Variants in MALRD1 observed in about 807,000 individuals in gnomAD.
MALRD1 encodes the protein MAM and LDL-receptor class A domain-containing protein 1.
A neutral mutation model predicts 242.1 loss-of-function variants in MALRD1; 247 were observed. The observed-to-expected ratio is 1.02, with a 90% CI of 0.92 to 1.13. The LOEUF (loss-of-function observed/expected upper bound fraction) is 1.13. Among genes scored for constraint, MALRD1 ranks in the 50% most tolerant of loss-of-function variants. The probability of loss-of-function intolerance (pLI) is 0.00; values close to 1 mark genes in which losing one functional copy is unlikely to be tolerated. For missense variants in MALRD1, 2,989 were observed against 2,533.1 expected, an observed-to-expected ratio of 1.18 and a Z score of -3.86; for synonymous variants, 995 against 866.6, an observed-to-expected ratio of 1.15 and a Z score of -2.60.
chr10:19,687,115 A>G lies in MALRD1; in HGVS notation c.6138-5167A>G, dbSNP rs76261817. Among the ~76,000 whole-genome samples, 392 of 152,236 alleles carry G rather than the reference A, an allele frequency of 2.6e-3. 6 individuals carry two copies. The East Asian group carries it at 0.058, about 22-fold the overall frequency. On this transcript the variant is annotated intron_variant, in intron 36 of 39. Coordinates refer to ENST00000454679, the MANE Select transcript of MALRD1 (RefSeq NM_001142308.3). Reference sequence around the variant, plus strand: ...ATAATAAGATGGCCAAAGTAATTACATCGTATCTAACATTTTTTTTCTTCT... The same window carrying G: ...ATAATAAGATGGCCAAAGTAATTACGTCGTATCTAACATTTTTTTTCTTCT...
intron 19 of MALRD1, among the ~76,000 whole-genome samples, chr10:19,269,342 C>T (rs1005375094): frequency 2.6e-5 from 4 of 152,136 alleles, no homozygotes; most frequent in Admixed American, 6.5e-5. Context: ...GGAGCTCTCA[C>T]GCGCTCTCTC....
intron 36 of MALRD1, among the ~76,000 whole-genome samples, chr10:19,648,049 G>A (rs1201680508): frequency 1.3e-5 from 2 of 152,172 alleles, no homozygotes; most frequent in Admixed American, 6.5e-5. Flanking sequence ...TGCAAAGCAG[G>A]ACTCAGGGAG....
intron 29 of MALRD1, among the ~76,000 whole-genome samples, chr10:19,473,093 TGTGA>T (rs1836573717): frequency 1.2e-5 from 1 of 82,934 alleles, no homozygotes; most frequent in Non-Finnish European, 2.6e-5. Flanking sequence ...ATATAAGAAA[TGTGA>T]AAGCTTGTTC....
intron 29 of MALRD1, among the ~76,000 whole-genome samples, chr10:19,451,563 C>G (rs1014757789): frequency 6.6e-6 from 1 of 152,108 alleles, no homozygotes; most frequent in African/African-American, 2.4e-5. Flanking sequence ...GATATGCCTT[C>G]TGTGGTTTTC....
At chr10:19,049,255 A>T (rs1272119215) in intron 1 of MALRD1, 118 bp downstream of exon 1, 19 of 672,290 alleles carry the variant, frequency 2.8e-5, no homozygotes, top group Non-Finnish European at 3.8e-5. Flanking sequence ...TATCTTGTAT[A>T]CCTTTAGTGT....
intron 38 of MALRD1, among the ~76,000 whole-genome samples, chr10:19,719,431 A>G (rs1334556211): frequency 2.0e-5 from 3 of 151,386 alleles, no homozygotes; most frequent in Non-Finnish European, 4.4e-5. Context: ...TTTTATTCCT[A>G]CTAATTGCCT....
intron 38 of MALRD1, among the ~76,000 whole-genome samples, chr10:19,699,828 A>G (rs756080859): frequency 6.6e-6 from 1 of 152,020 alleles, no homozygotes; most frequent in Non-Finnish European, 1.5e-5. Context: ...CTCACTCACT[A>G]CAGTAAGAAC....
chr10:19,268,925 G>A (rs551738194), intron 19 of MALRD1, among the ~76,000 whole-genome samples: 41 of 152,292 alleles, frequency 2.7e-4, no homozygotes, highest in South Asian at 1.0e-3. Context: ...CATGACAGAT[G>A]TACAGGTAGT....
intron 30 of MALRD1, among the ~76,000 whole-genome samples, chr10:19,492,509 T>C (rs1311879375): frequency 6.6e-6 from 1 of 152,210 alleles, no homozygotes; most frequent in Non-Finnish European, 1.5e-5. Flanking sequence ...ACTTCTTCTC[T>C]TGATACTCTT....
chr10:19,408,477 C>A, intron 28 of MALRD1, among the ~76,000 whole-genome samples: 1 of 152,062 alleles, frequency 6.6e-6, no homozygotes, highest in Non-Finnish European at 1.5e-5. Flanking sequence ...TTAAAGGAGT[C>A]ATATATTCTA....
At chr10:19,596,095 G>T (rs1423494582) in intron 34 of MALRD1, among the ~76,000 whole-genome samples, 2 of 152,152 alleles carry the variant, frequency 1.3e-5, no homozygotes, top group Non-Finnish European at 1.5e-5. Flanking sequence ...ACAAGGCTGT[G>T]ATGATTTGAG....
intron 28 of MALRD1, among the ~76,000 whole-genome samples, chr10:19,426,238 T>C (rs148518631): frequency 5.2e-4 from 79 of 152,244 alleles, no homozygotes; most frequent in African/African-American, 1.9e-3. Flanking sequence ...GAAAATGGGG[T>C]ACTTAGTGGT....
intron 36 of MALRD1, among the ~76,000 whole-genome samples, chr10:19,620,018 T>A (rs1054059260): frequency 1.6e-4 from 6 of 37,816 alleles, no homozygotes; most frequent in African/African-American, 3.6e-4. Flanking sequence ...ATAATAATAA[T>A]AAATAATAAT....
rs1836731427 is a variant in MALRD1, at chr10:19,205,188, C to G, written c.2501C>G (p.Thr834Ser). ...EGLDHFWCRH[T>S]RACIEKLRLC... The stretch of plus-strand genomic sequence containing the variant: ...CTGGATCATTTCTGGTGTCGCCACA[C>G]CAGGGCTTGCATAGAAAAGCTTCGG... The change falls in exon 17 of 40, where the codon ACC (threonine) becomes AGC (serine). Residue 834 changes from threonine (T) to serine (S), a missense_variant. By Grantham distance (58) the Thr-to-Ser change is moderately conservative. Coordinates refer to ENST00000454679, the MANE Select transcript of MALRD1 (RefSeq NM_001142308.3). 1.3e-6 allele frequency: 2 copies of G among 1,551,000 alleles called. No individual in the cohort carries two copies. Among genetic ancestry groups the G allele is most frequent in the Non-Finnish European group, 1.7e-6 (2 of 1,147,044 alleles).
In MALRD1 at chr10:19,546,269, G is replaced by C. The variant is rs1435526093; in HGVS notation, c.5478+14918G>C. 2.0e-5 allele frequency among the ~76,000 whole-genome samples: 3 copies of C among 152,240 alleles called. No homozygotes were observed. In the South Asian group the frequency reaches 6.2e-4, roughly 32 times the overall value. On this transcript the variant is annotated intron_variant, in intron 32 of 39. Coordinates refer to ENST00000454679, the MANE Select transcript of MALRD1 (RefSeq NM_001142308.3). The stretch of plus-strand genomic sequence containing the variant: ...TATGCATTCTGATTCAGCATCTCTG[G>C]TTTCATATTTCTTTGATGTAAAGCA...
chr10:19,494,161 A>G (rs576819104), intron 30 of MALRD1, among the ~76,000 whole-genome samples: 12 of 152,318 alleles, frequency 7.9e-5, no homozygotes, highest in Admixed American at 6.5e-4. Flanking sequence ...CCAAATCGTC[A>G]ACACCAAAGT....
intron 19 of MALRD1, among the ~76,000 whole-genome samples, chr10:19,262,037 T>C (rs1839772773): frequency 1.3e-5 from 2 of 152,142 alleles, no homozygotes; most frequent in Admixed American, 1.3e-4. Flanking sequence ...CTTAAATTAG[T>C]TTATTTTTAC....
chr10:19,223,063 A>G (rs1488397135), intron 18 of MALRD1, among the ~76,000 whole-genome samples: 1 of 152,208 alleles, frequency 6.6e-6, no homozygotes, highest in Admixed American at 6.5e-5. Flanking sequence ...TCAACTCACT[A>G]TAGATTAGGG....
intron 36 of MALRD1, among the ~76,000 whole-genome samples, chr10:19,649,287 C>A (rs1477010521): frequency 6.6e-6 from 1 of 152,136 alleles, no homozygotes; most frequent in Non-Finnish European, 1.5e-5. Flanking sequence ...GGTAGTTCTG[C>A]TTTTAGCTCC....
Sources: allele counts gnomAD v4.1 joint callset (sites outside exome capture counted in the v4.1 genomes callset), GRCh38; gene constraint gnomAD v4.1.1; transcripts MANE v1.5; gene names NCBI Gene and HGNC (gene_info 2026-07-23, HGNC 2026-07-21).